Variants in RIGI observed in about 807,000 individuals in gnomAD.
RIGI encodes the protein RNA sensor RIG-I.
chr9:32,508,481 T>G, the RIGI span, among the ~76,000 whole-genome samples: 158 of 151,942 alleles, frequency 1.0e-3, no homozygotes, highest in African/African-American at 3.8e-3. Flanking sequence ...TCACCTCACC[T>G]GGGAAGCACA....
chr9:32,474,849 A>G, the RIGI span, among the ~76,000 whole-genome samples: 1 of 152,224 alleles, frequency 6.6e-6, no homozygotes, highest in African/African-American at 2.4e-5. Flanking sequence ...TATAACTAAT[A>G]CGGAAGCCAT....
At chr9:32,521,541 C>G in the RIGI span, among the ~76,000 whole-genome samples, 1 of 152,178 alleles carries the variant, frequency 6.6e-6, no homozygotes, top group African/African-American at 2.4e-5. Flanking sequence ...TACTGACAGA[C>G]TTCCCAACAG....
At chr9:32,497,544 G>A in the RIGI span, among the ~76,000 whole-genome samples, 2 of 152,188 alleles carry the variant, frequency 1.3e-5, no homozygotes, top group African/African-American at 4.8e-5. Flanking sequence ...TCAGGAGATT[G>A]AGACCATCCT....
At chr9:32,474,287 A>C in the RIGI span, among the ~76,000 whole-genome samples, 3 of 152,088 alleles carry the variant, frequency 2.0e-5, no homozygotes, top group Admixed American at 6.6e-5. Flanking sequence ...GTCTAACAAA[A>C]TATGTGCAGA....
At chr9:32,462,304 A>T in the RIGI span, among the ~76,000 whole-genome samples, 1 of 151,024 alleles carries the variant, frequency 6.6e-6, no homozygotes, top group African/African-American at 2.4e-5. Context: ...CCTCCCCCTT[A>T]TATCTTTTAA....
chr9:32,499,227 G>C, the RIGI span, among the ~76,000 whole-genome samples: 1 of 113,366 alleles, frequency 8.8e-6, no homozygotes, highest in Non-Finnish European at 1.9e-5. Flanking sequence ...TTTTCCAGTT[G>C]ATTTTAAGAC....
chr9:32,501,824 GA>G, the RIGI span, among the ~76,000 whole-genome samples: 1 of 152,148 alleles, frequency 6.6e-6, no homozygotes, highest in African/African-American at 2.4e-5. Context: ...ATGAATGAAG[GA>G]AGAGAAGAAG....
At chr9:32,488,906 A>G in the RIGI span, 1 of 1,580,790 alleles carries the variant, frequency 6.3e-7, no homozygotes. Context: ...ATGTAAGGAA[A>G]AAAGAAAACA....
the RIGI span, among the ~76,000 whole-genome samples, chr9:32,504,068 C>CACACACACACACA: frequency 1.3e-4 from 19 of 151,202 alleles, no homozygotes; most frequent in Non-Finnish European, 1.8e-4. Flanking sequence ...CACACACACA[C>CACACACACACACA]CCAGGTCTGC....
chr9:32,516,266 G>C, the RIGI span, among the ~76,000 whole-genome samples: 1 of 152,164 alleles, frequency 6.6e-6, no homozygotes, highest in Non-Finnish European at 1.5e-5. Flanking sequence ...TAATTTTAGT[G>C]GGTCAGGGAG....
chr9:32,524,045 G>T, the RIGI span, among the ~76,000 whole-genome samples: 2 of 151,982 alleles, frequency 1.3e-5, no homozygotes, highest in Admixed American at 6.5e-5. Context: ...TTAGACCTCA[G>T]TTCAAATGCC....
At chr9:32,473,269 T>C in the RIGI span, among the ~76,000 whole-genome samples, 3 of 150,180 alleles carry the variant, frequency 2.0e-5, no homozygotes, top group African/African-American at 7.3e-5. Context: ...TAACCTGATA[T>C]GGTTTAATCT....
chr9:32,499,312 A>ATTTTTTTTTT, the RIGI span, among the ~76,000 whole-genome samples: 1 of 32,324 alleles, frequency 3.1e-5, no homozygotes, highest in African/African-American at 1.3e-4. Flanking sequence ...AGAGTTTGTG[A>ATTTTTTTTTT]TTTGTTTTTT....
At chr9:32,511,415 A>T in the RIGI span, among the ~76,000 whole-genome samples, 1 of 152,366 alleles carries the variant, frequency 6.6e-6, no homozygotes, top group Non-Finnish European at 1.5e-5. Flanking sequence ...ATTAGAACTG[A>T]GGATTAAGAA....
the RIGI span, among the ~76,000 whole-genome samples, chr9:32,459,787 G>A: frequency 6.6e-6 from 1 of 152,070 alleles, no homozygotes. Context: ...CCATAGAATA[G>A]TCATATGAAC....
At chr9:32,515,075 C>T in the RIGI span, among the ~76,000 whole-genome samples, 2 of 152,138 alleles carry the variant, frequency 1.3e-5, no homozygotes, top group African/African-American at 4.8e-5. Context: ...CAGAGACCAA[C>T]TTGATGTTGA....
the RIGI span, among the ~76,000 whole-genome samples, chr9:32,496,603 G>C: frequency 6.6e-6 from 1 of 152,172 alleles, no homozygotes; most frequent in Non-Finnish European, 1.5e-5. Flanking sequence ...GTGGACAGCA[G>C]ATCATGGGAC....
chr9:32,457,184 A>G, the RIGI span: 3 of 1,614,040 alleles, frequency 1.9e-6, no homozygotes, highest in Non-Finnish European at 2.5e-6. Flanking sequence ...TTCCACTTCG[A>G]GTACAGTGTC....
the RIGI span, chr9:32,476,948 T>C: frequency 6.4e-7 from 1 of 1,563,808 alleles, no homozygotes; most frequent in Non-Finnish European, 8.8e-7. Context: ...TAGTGCTGGG[T>C]CCATTTGTTA....
Sources: gnomAD v4.1 joint callset for allele counts (sites outside exome capture counted in the v4.1 genomes callset) on GRCh38, gnomAD v4.1.1 for gene constraint, MANE v1.5 for transcripts, NCBI Gene and HGNC (gene_info 2026-07-23, HGNC 2026-07-21) for gene names.